NR3C2: variants seen among roughly 807,000 people sequenced by gnomAD.
NR3C2 encodes nuclear receptor subfamily 3 group C member 2.
Under a neutral mutation model 86.4 loss-of-function variants are expected in NR3C2, and 15 were observed. The observed-to-expected ratio is 0.17, with a 90% CI of 0.12 to 0.27. NR3C2 has a LOEUF of 0.27. Ranked by LOEUF, NR3C2 falls within the 10% of genes least tolerant of loss-of-function variation. The probability of loss-of-function intolerance (pLI) is 1.00; values close to 1 mark genes in which losing one functional copy is unlikely to be tolerated. For synonymous variants in NR3C2, 458 were observed against 450.5 expected, an observed-to-expected ratio of 1.02 and a Z score of -0.21; for missense variants, 960 against 1,195.6, an observed-to-expected ratio of 0.80 and a Z score of 2.91.
At chr4:148,334,481 G>A (rs1306256238) in intron 2 of NR3C2, among the ~76,000 whole-genome samples, 1 of 152,158 alleles carries the variant, frequency 6.6e-6, no homozygotes, top group Non-Finnish European at 1.5e-5. Flanking sequence ...AGTGGAGGTT[G>A]CAGTGAGCGG....
At chr4:148,404,305 C>T (rs1748306682) in intron 2 of NR3C2, among the ~76,000 whole-genome samples, 1 of 152,034 alleles carries the variant, frequency 6.6e-6, no homozygotes, top group South Asian at 2.1e-4. Flanking sequence ...ACAGGATTCA[C>T]TTAAAAGAAG....
intron 2 of NR3C2, among the ~76,000 whole-genome samples, chr4:148,427,066 C>T (rs891636294): frequency 1.3e-5 from 2 of 152,020 alleles, no homozygotes; most frequent in Non-Finnish European, 2.9e-5. Context: ...GCGATTCTTG[C>T]GTCTCAGCCT....
intron 6 of NR3C2, among the ~76,000 whole-genome samples, chr4:148,126,958 T>C (rs1259530495): frequency 6.6e-6 from 1 of 152,200 alleles, no homozygotes; most frequent in Non-Finnish European, 1.5e-5. Flanking sequence ...TGTGCCAAGC[T>C]GAGTAATGAT....
chr4:148,444,771 C>A (rs1383955370), upstream of NR3C2: 1 of 984,850 alleles, frequency 1.0e-6, no homozygotes, highest in African/African-American at 1.8e-5. Context: ...GGCACCCGCC[C>A]GCCCCCAGCG....
chr4:148,241,452 C>T (rs1739041298), intron 3 of NR3C2, among the ~76,000 whole-genome samples: 1 of 151,520 alleles, frequency 6.6e-6, no homozygotes, highest in East Asian at 1.9e-4. Flanking sequence ...TTCCATACCA[C>T]ATTAGCCATT....
At chr4:148,269,569 C>T (rs1287314967) in intron 2 of NR3C2, among the ~76,000 whole-genome samples, 1 of 152,094 alleles carries the variant, frequency 6.6e-6, no homozygotes, top group African/African-American at 2.4e-5. Flanking sequence ...GAAATATTTA[C>T]CGAGCATGCA....
chr4:148,133,682 C>T (rs1459408772), intron 6 of NR3C2, among the ~76,000 whole-genome samples: 2 of 152,188 alleles, frequency 1.3e-5, no homozygotes, highest in Non-Finnish European at 2.9e-5. Context: ...TCGCATTACT[C>T]CAGTAACCAG....
At chr4:148,386,595 A>T (rs967185088) in intron 2 of NR3C2, among the ~76,000 whole-genome samples, 4 of 152,230 alleles carry the variant, frequency 2.6e-5, no homozygotes, top group African/African-American at 9.6e-5. Context: ...AGCTGAAAGG[A>T]GGAAACCCTT....
intron 4 of NR3C2, among the ~76,000 whole-genome samples, chr4:148,170,980 C>A (rs1174250937): frequency 6.6e-6 from 1 of 152,204 alleles, no homozygotes; most frequent in African/African-American, 2.4e-5. Context: ...TTATTACACT[C>A]ATAAAAAAAT....
intron 2 of NR3C2, among the ~76,000 whole-genome samples, chr4:148,260,957 C>T (rs1287766694): frequency 6.6e-6 from 1 of 152,194 alleles, no homozygotes; most frequent in Admixed American, 6.5e-5. Context: ...AGTTCAGTGA[C>T]AGTTTAGATA....
chr4:148,199,832 A>C (rs186989657), intron 3 of NR3C2, among the ~76,000 whole-genome samples: 13 of 152,334 alleles, frequency 8.5e-5, no homozygotes, highest in Admixed American at 7.8e-4. Context: ...TAAAATGATT[A>C]AGATAAATCT....
At chr4:148,380,170 T>C (rs933530333) in intron 2 of NR3C2, among the ~76,000 whole-genome samples, 2 of 152,240 alleles carry the variant, frequency 1.3e-5, no homozygotes, top group Non-Finnish European at 2.9e-5. Flanking sequence ...ACAACTATTT[T>C]ATAAGAAACT....
chr4:148,254,027 T>G (rs74789852), intron 3 of NR3C2, among the ~76,000 whole-genome samples: 1,875 of 152,182 alleles, frequency 0.012, 35 homozygotes, highest in African/African-American at 0.043. Context: ...GATCTTTGCT[T>G]CTTCTCTTCC....
intron 6 of NR3C2, 61 bp from the exon 7 acceptor site, chr4:148,120,349 C>A (rs1489896183): frequency 2.2e-5 from 35 of 1,599,876 alleles, no homozygotes; most frequent in Non-Finnish European, 2.8e-5. Flanking sequence ...CCCAGACTGG[C>A]AGCCTGAGGC....
chr4:148,154,539 A>T lies in NR3C2; in HGVS notation c.2365+12T>A, dbSNP rs1560949742. 1 of 1,612,268 alleles carries T rather than the reference A, an allele frequency of 6.2e-7. No individual in the cohort carries two copies. Among genetic ancestry groups the T allele is most frequent in the Admixed American group, 1.7e-5 (1 of 60,012 alleles). ...TTCAGGATGCAGCCTGTGAAAGGAG[A>T]GGCAATCCTACCTGGAAGTACCTTT... On this transcript the variant is annotated intron_variant, in intron 5 of 8. Coordinates refer to ENST00000358102, the MANE Select transcript of NR3C2 (RefSeq NM_000901.5).
chr4:148,327,025 T>C (rs1303203328), intron 2 of NR3C2, among the ~76,000 whole-genome samples: 2 of 152,192 alleles, frequency 1.3e-5, no homozygotes, highest in Non-Finnish European at 2.9e-5. Flanking sequence ...AGTCCACGGT[T>C]GAATAAGAAT....
At chr4:148,323,605 G>A (rs1328021683) in intron 2 of NR3C2, among the ~76,000 whole-genome samples, 2 of 152,108 alleles carry the variant, frequency 1.3e-5, no homozygotes, top group African/African-American at 4.8e-5. Flanking sequence ...CAGCCCGTCG[G>A]AAAAGCGCAG....
chr4:148,426,781 A>G (rs1749555303), intron 2 of NR3C2, among the ~76,000 whole-genome samples: 1 of 152,148 alleles, frequency 6.6e-6, no homozygotes, highest in African/African-American at 2.4e-5. Flanking sequence ...CAGCATCCAC[A>G]GGGACTCCCT....
chr4:148,145,762 A>G (rs556437555), intron 6 of NR3C2, among the ~76,000 whole-genome samples: 2 of 152,254 alleles, frequency 1.3e-5, no homozygotes, highest in East Asian at 1.9e-4. Context: ...ATAGAGTCCA[A>G]CGGAAAAATA....
Sources: gnomAD v4.1 joint callset for allele counts (sites outside exome capture counted in the v4.1 genomes callset) on GRCh38, gnomAD v4.1.1 for gene constraint, MANE v1.5 for transcripts, NCBI Gene and HGNC (gene_info 2026-07-23, HGNC 2026-07-21) for gene names.